The following SGMS1 variants were observed in gnomAD, a reference collection of about 807,000 sequenced individuals.
The protein encoded by SGMS1 is phosphatidylcholine:ceramide cholinephosphotransferase 1.
In SGMS1, 13 loss-of-function variants were observed where a neutral mutation model predicts 46.2. The observed-to-expected ratio is 0.28, with a 90% confidence interval of 0.18 to 0.45. SGMS1 has a LOEUF of 0.45. SGMS1 is among the 20% of genes least tolerant of loss of function. The pLI, the probability that SGMS1 is intolerant of heterozygous loss-of-function variation, is 1.00. For synonymous variants in SGMS1, 203 were observed against 187.8 expected, an observed-to-expected ratio of 1.08 and a Z score of -0.66; for missense variants, 324 against 519.9, an observed-to-expected ratio of 0.62 and a Z score of 3.66.
chr10:50,520,437 CATT>C (rs1489288566), intron 2 of SGMS1, among the ~76,000 whole-genome samples: 1 of 152,000 alleles, frequency 6.6e-6, no homozygotes, highest in East Asian at 1.9e-4. Context: ...CAGAAGAAAT[CATT>C]ATTATTTACA....
Position 50,460,764 on chromosome 10 carries a change from A to C in SGMS1, c.-404T>G, listed in dbSNP as rs1445806355. 2.0e-5 allele frequency: 3 copies of C among 152,348 alleles called. No homozygotes were observed. The highest frequency in any genetic ancestry group is 7.2e-5 in the African/African-American group (3 of 41,444). The allele number at this position is 152,348 out of a possible 1,614,324, so 9.4% of individuals were successfully genotyped here. A position where few individuals can be genotyped will look rare whatever the true frequency, so the allele number is the denominator to read the frequency against. On this transcript the variant is annotated 5_prime_UTR_variant, in exon 5 of 11. The change abolishes an upstream ATG in the 5' untranslated region. Transcript: ENST00000361781. ...GAGGCAGGTTCTCGTCTTCTATTTC[A>C]TGTTTCCCAACCAGACACTTTCGGG...
At chr10:50,393,304 T>C (rs1848802211) in intron 6 of SGMS1, among the ~76,000 whole-genome samples, 1 of 151,902 alleles carries the variant, frequency 6.6e-6, no homozygotes, top group Non-Finnish European at 1.5e-5. Context: ...GAAAAATACG[T>C]CCAATTTCTC....
chr10:50,437,969 A>G (rs573738107), intron 5 of SGMS1, among the ~76,000 whole-genome samples: 1 of 152,288 alleles, frequency 6.6e-6, no homozygotes, highest in East Asian at 1.9e-4. Context: ...CTACCTTTTC[A>G]TTGCATTTCT....
At chr10:50,495,925 G>C (rs1837611547) in intron 3 of SGMS1, among the ~76,000 whole-genome samples, 2 of 152,124 alleles carry the variant, frequency 1.3e-5, no homozygotes, top group East Asian at 3.8e-4. Flanking sequence ...TTCACTTTCG[G>C]CATCCTTCTA....
At chr10:50,369,409 G>T (rs757949601) in intron 6 of SGMS1, among the ~76,000 whole-genome samples, 2 of 152,102 alleles carry the variant, frequency 1.3e-5, no homozygotes, top group South Asian at 4.1e-4. Flanking sequence ...GAGGCAGGAG[G>T]ATCCCTTGAG....
At chr10:50,482,729 G>C (rs1451492326) in intron 3 of SGMS1, among the ~76,000 whole-genome samples, 1 of 152,112 alleles carries the variant, frequency 6.6e-6, no homozygotes, top group Non-Finnish European at 1.5e-5. Flanking sequence ...AAATGTAAAT[G>C]GACTAAATGC....
intron 2 of SGMS1, among the ~76,000 whole-genome samples, chr10:50,560,557 TTA>T (rs1838227898): frequency 6.9e-6 from 1 of 143,888 alleles, no homozygotes; most frequent in African/African-American, 2.5e-5. Context: ...GTGTAATATA[TTA>T]TATGACATAT....
At chr10:50,357,995 A>G (rs1313852901) in intron 6 of SGMS1, among the ~76,000 whole-genome samples, 1 of 152,188 alleles carries the variant, frequency 6.6e-6, no homozygotes, top group Non-Finnish European at 1.5e-5. Flanking sequence ...TAAAAACAAA[A>G]GCACCTGGAC....
chr10:50,623,486 C>T (rs1838877019), intron 1 of SGMS1: 1 of 816,284 alleles, frequency 1.2e-6, no homozygotes, highest in Non-Finnish European at 1.5e-6. Context: ...AGCCCGGATC[C>T]CGGCCGCCGG....
rs77174431 is a variant in SGMS1, at chr10:50,501,873, T to C, written c.-498+17958A>G. Among the ~76,000 whole-genome samples, 1,424 of 152,282 alleles carry C rather than the reference T, an allele frequency of 9.4e-3. 27 individuals are homozygous for C. The highest frequency in any genetic ancestry group is 0.033 in the African/African-American group (1,359 of 41,544). ...TACTTTTTAGATAATAAGACATGAT[T>C]ATAAAAACAATTAAAATTTTAAGTA... On this transcript the variant is annotated intron_variant, in intron 3 of 10. Coordinates refer to ENST00000361781, the MANE Select transcript of SGMS1 (RefSeq NM_147156.4).
intron 6 of SGMS1, among the ~76,000 whole-genome samples, chr10:50,432,565 T>C (rs1393641269): frequency 2.6e-5 from 4 of 152,186 alleles, no homozygotes; most frequent in Non-Finnish European, 4.4e-5. Context: ...ATACTACCTA[T>C]AATGTTAATC....
Position 50,623,709 on chromosome 10 carries a change from G to C in SGMS1, c.-686C>G. The C allele has an allele frequency of 3.0e-6, 3 of 985,438 alleles. No individual in the cohort carries two copies. The highest frequency in any genetic ancestry group is 3.6e-6 in the Non-Finnish European group (3 of 829,930). The allele number at this position is 985,438 out of a possible 1,614,324, so 61.0% of individuals were successfully genotyped here. A position where few individuals can be genotyped will look rare whatever the true frequency, so the allele number is the denominator to read the frequency against. ...TCTGTCCCTGCCCCACGACTCACTT[G>C]CACTGGAGTCACGGCAGCCGCCGGA... On this transcript the variant is annotated splice_region_variant and 5_prime_UTR_variant, in exon 1 of 11. Coordinates refer to ENST00000361781, the MANE Select transcript of SGMS1 (RefSeq NM_147156.4).
At chr10:50,431,138 A>T (rs2133615129) in intron 6 of SGMS1, among the ~76,000 whole-genome samples, 1 of 152,314 alleles carries the variant, frequency 6.6e-6, no homozygotes, top group East Asian at 1.9e-4. Flanking sequence ...AAGTACAAAG[A>T]CACACTTATT....
chr10:50,324,545 G>A (rs1389200072), intron 8 of SGMS1, among the ~76,000 whole-genome samples: 1 of 152,108 alleles, frequency 6.6e-6, no homozygotes, highest in Non-Finnish European at 1.5e-5. Flanking sequence ...TCAGATACTC[G>A]TTCTCAGTGG....
chr10:50,497,853 A>C (rs1456898716), intron 3 of SGMS1, among the ~76,000 whole-genome samples: 1 of 152,146 alleles, frequency 6.6e-6, no homozygotes. Context: ...TCATCCACCT[A>C]CCATCTAACA....
chr10:50,528,005 T>C (rs1837919667), intron 2 of SGMS1, among the ~76,000 whole-genome samples: 1 of 152,208 alleles, frequency 6.6e-6, no homozygotes, highest in Non-Finnish European at 1.5e-5. Flanking sequence ...AGGACATGGC[T>C]CTAAGTACTA....
At chr10:50,611,853 T>C (rs1838752852) in intron 1 of SGMS1, among the ~76,000 whole-genome samples, 1 of 152,140 alleles carries the variant, frequency 6.6e-6, no homozygotes, top group Admixed American at 6.5e-5. Context: ...TCTTCTCTGT[T>C]GGCCTCAGAC....
At chr10:50,348,871 C>T (rs1847959566) in intron 6 of SGMS1, among the ~76,000 whole-genome samples, 1 of 152,120 alleles carries the variant, frequency 6.6e-6, no homozygotes, top group Admixed American at 6.5e-5. Flanking sequence ...CAATCCTAAG[C>T]AAAAAGAACA....
chr10:50,513,197 CAAG>C (rs374491968), intron 3 of SGMS1, among the ~76,000 whole-genome samples: 7 of 152,262 alleles, frequency 4.6e-5, no homozygotes, highest in African/African-American at 1.7e-4. Context: ...AGGTTTCAAC[CAAG>C]AAGAACCTTG....
Sources: gnomAD v4.1 joint callset for allele counts (sites outside exome capture counted in the v4.1 genomes callset) on GRCh38, gnomAD v4.1.1 for gene constraint, MANE v1.5 for transcripts, NCBI Gene and HGNC (gene_info 2026-07-23, HGNC 2026-07-21) for gene names.